ABCB8: variants seen among roughly 807,000 people sequenced by gnomAD.
The protein encoded by ABCB8 is ATP binding cassette subfamily B member 8, also known as mitochondrial potassium channel ATP-binding subunit.
Under a neutral mutation model 73.0 loss-of-function variants are expected in ABCB8, and 52 were observed. The ratio of observed to expected loss-of-function variants is 0.71; its 90% CI spans 0.57 to 0.90. The LOEUF (loss-of-function observed/expected upper bound fraction) is 0.90, where lower values mean the gene tolerates loss of function less well. Among genes scored for constraint, ABCB8 ranks in the 40% least tolerant of loss-of-function variants. The pLI is 0.00. For missense variants in ABCB8, 909 were observed against 974.6 expected, an observed-to-expected ratio of 0.93 and a Z score of 0.90; for synonymous variants, 428 against 423.5, an observed-to-expected ratio of 1.01 and a Z score of -0.13.
intron 9 of ABCB8, chr7:151,039,008 ACTC>A (rs945360593): frequency 1.3e-5 from 2 of 152,102 alleles, no homozygotes; most frequent in African/African-American, 4.8e-5. Flanking sequence ...CATCCTGAGT[ACTC>A]CTGATGGAGA....
Position 151,045,582 on chromosome 7 carries a change from AT to A in ABCB8, c.*235del. The A allele has an allele frequency of 2.1e-6, 1 of 470,110 alleles. No individual in the cohort carries two copies. The highest frequency in any genetic ancestry group is 3.6e-6 in the Non-Finnish European group (1 of 276,280). The allele number at this position is 470,110 out of a possible 1,614,324, so 29.1% of individuals were successfully genotyped here. On this transcript the variant is annotated 3_prime_UTR_variant, in exon 16 of 16. Coordinates refer to ENST00000358849, the MANE Select transcript of ABCB8 (RefSeq NM_007188.5). ...CCTCCCACCAGAGTCTGCCAGAGTC[AT>A]TGGGCTGCAATGGGCAGAGACAGAG...
chr7:151,028,494 G>C lies in ABCB8; in HGVS notation c.-22G>C. 4 of 1,606,840 alleles carry C rather than the reference G, an allele frequency of 2.5e-6. No homozygotes were observed. The highest frequency in any genetic ancestry group is 3.4e-6 in the Non-Finnish European group (4 of 1,176,948). On this transcript the variant is annotated 5_prime_UTR_variant, in exon 1 of 16. Coordinates refer to ENST00000358849, the MANE Select transcript of ABCB8 (RefSeq NM_007188.5). ...GAGGGTGAAACTGCTATTGCCGGCG[G>C]CTCCTGTTTTACCGCGTCAGCATGC... is the stretch of plus-strand genomic sequence containing the variant.
In ABCB8 at chr7:151,033,716, T is replaced by C; in HGVS notation, c.207T>C (p.Ser69=). The C allele has an allele frequency of 6.2e-7, 1 of 1,613,860 alleles. No individual in the cohort carries two copies. Among genetic ancestry groups the C allele is most frequent in the Non-Finnish European group, 8.5e-7 (1 of 1,179,918 alleles). Residue 69 remains serine (S), a synonymous_variant, in exon 2 of 16, where the codon TCT becomes TCC. Coordinates refer to ENST00000358849, the MANE Select transcript of ABCB8 (RefSeq NM_007188.5). The part of the protein sequence containing the change: ...RAPLAPRWSP[S]AWCWVGGALL... ...CCCTAGCTCCCAGATGGAGCCCCTC[T>C]GCCTGGTGCTGGGTTGGGGGAGCCC...
intron 14 of ABCB8, among the ~76,000 whole-genome samples, chr7:151,043,001 C>T (rs1796509132): frequency 6.6e-6 from 1 of 152,248 alleles, no homozygotes; most frequent in Non-Finnish European, 1.5e-5. Flanking sequence ...TGCGTCCTTA[C>T]TGACCTGTCA....
chr7:151,033,489 G>T, intron 1 of ABCB8, 116 bp from the exon 2 acceptor site: 1 of 1,470,814 alleles, frequency 6.8e-7, no homozygotes, highest in East Asian at 2.4e-5. Context: ...AGGGGCAAGG[G>T]CCTGACAGAA....
In ABCB8 at chr7:151,034,429, G is replaced by A. The variant is rs1411363039; in HGVS notation, c.564+1G>A. On this transcript the variant is annotated splice_donor_variant, in intron 3 of 15. Coordinates refer to ENST00000358849, the MANE Select transcript of ABCB8 (RefSeq NM_007188.5). LOFTEE classifies it high-confidence loss of function. Reference sequence around the variant, plus strand: ...CCTGCTTATCCTCTATGGTGTCCAGGTACAGCCGGGAGTGGGGCTGGGGAC... The same window carrying A: ...CCTGCTTATCCTCTATGGTGTCCAGATACAGCCGGGAGTGGGGCTGGGGAC... 2.5e-6 allele frequency: 4 copies of A among 1,613,922 alleles called. No individual in the cohort carries two copies. Among genetic ancestry groups the A allele is most frequent in the Non-Finnish European group, 8.5e-7 (1 of 1,179,976 alleles).
chr7:151,037,606 G>A (rs1377082834), intron 9 of ABCB8: 9 of 421,438 alleles, frequency 2.1e-5, no homozygotes, highest in East Asian at 1.5e-4. Flanking sequence ...GTGAAGACCC[G>A]TCTCCACGAA....
At chr7:151,034,181 T>C (rs967249127) in intron 2 of ABCB8, 92 bp from the exon 3 acceptor site, 2 of 1,412,992 alleles carry the variant, frequency 1.4e-6, no homozygotes, top group East Asian at 2.3e-5. Flanking sequence ...CAGTGCTCAG[T>C]AGTGGGAGAG....
intron 13 of ABCB8, 93 bp downstream of exon 13, chr7:151,041,325 C>T (rs1402391585): frequency 7.0e-7 from 1 of 1,427,240 alleles, no homozygotes; most frequent in African/African-American, 1.4e-5. Flanking sequence ...CTTTCTTTCC[C>T]ACCCTCATCC....
chr7:151,041,300 C>T (rs1796459315), intron 13 of ABCB8, 68 bp downstream of exon 13: 3 of 1,497,006 alleles, frequency 2.0e-6, no homozygotes, highest in African/African-American at 2.8e-5. Context: ...CCCCCTTAGT[C>T]CTCAGGTGCC....
chr7:151,032,565 G>T (rs1294411765), intron 1 of ABCB8, among the ~76,000 whole-genome samples: 1 of 151,980 alleles, frequency 6.6e-6, no homozygotes, highest in African/African-American at 2.4e-5. Flanking sequence ...GTGGTGGCTC[G>T]TGCCTGTAGT....
At chr7:151,035,795 C>T (rs535316207) in intron 6 of ABCB8, 53 bp downstream of exon 6, 5 of 1,610,072 alleles carry the variant, frequency 3.1e-6, no homozygotes, top group East Asian at 4.5e-5. Context: ...TTTCTCTTTC[C>T]ACTCCCCGGA....
rs755823803 is a variant in ABCB8 at position 151,035,807 on chromosome 7, C to T, written c.927+65C>T. 3.5e-5 allele frequency: 57 copies of T among 1,609,920 alleles called. 1 individual carries two copies. Among genetic ancestry groups the T allele is most frequent in the Non-Finnish European group, 4.5e-5 (53 of 1,179,860 alleles). On this transcript the variant is annotated intron_variant, in intron 6 of 15. Transcript: ENST00000358849. ...CCGTTTCTCTTTCCACTCCCCGGAA[C>T]TCCTCCCTGTCCCCATCCTGGACTC...
rs1413516166 is a variant in ABCB8, at chr7:151,028,984, C to A, written c.95+374C>A. 4 of 1,230,422 alleles carry A rather than the reference C, an allele frequency of 3.3e-6. No homozygotes were observed. In the East Asian group the frequency reaches 2.2e-4, roughly 68 times the overall value. The allele number at this position is 1,230,422 out of a possible 1,614,324, so 76.2% of individuals were successfully genotyped here. A position where few individuals can be genotyped will look rare whatever the true frequency, so the allele number is the denominator to read the frequency against. ...TTAATGTAGTGGTGCTTCCAGGATT[C>A]AAAGTGAGTCGAAGAAGAACTAGAG... On this transcript the variant is annotated intron_variant, in intron 1 of 15. Coordinates refer to ENST00000358849, the MANE Select transcript of ABCB8 (RefSeq NM_007188.5).
chr7:151,036,076 C>T lies in ABCB8; in HGVS notation c.1017C>T (p.Arg339=). 6.2e-7 allele frequency: 1 copy of T among 1,613,132 alleles called. No homozygotes were observed. Among genetic ancestry groups the T allele is most frequent in the East Asian group, 2.2e-5 (1 of 44,880 alleles). ...AFAMEQREEE[R]YGAELEACRC... ...ATGCACTGGTCTCTCTCACCAGGCG[C>T]TATGGGGCAGAGCTGGAAGCCTGCC... The change falls in exon 8 of 16, where the codon CGC becomes CGT. Residue 339 remains arginine, a synonymous_variant. Coordinates refer to ENST00000358849, the MANE Select transcript of ABCB8 (RefSeq NM_007188.5).
Position 151,045,206 on chromosome 7 carries a change from C to A in ABCB8, c.2017-3C>A. On this transcript the variant is annotated splice_polypyrimidine_tract_variant and splice_region_variant and intron_variant, in intron 15 of 15. Coordinates refer to ENST00000358849, the MANE Select transcript of ABCB8 (RefSeq NM_007188.5). The stretch of plus-strand genomic sequence containing the variant: ...CCATCCGCCCTTCCCTCCCATCTTC[C>A]AGGCTGGGACACATGAAGAGCTCCT... 1 of 1,551,740 alleles carries A rather than the reference C, an allele frequency of 6.4e-7. No homozygotes were observed. Among genetic ancestry groups the A allele is most frequent in the South Asian group, 1.2e-5 (1 of 83,868 alleles).
chr7:151,044,211 G>C lies in ABCB8; in HGVS notation c.2006G>C (p.Arg669Pro), dbSNP rs546942647. Residue 669 changes from arginine to proline, a missense_variant, in exon 15 of 16, where the codon CGT becomes CCT. Transcript: ENST00000358849. ...TGCATTGTCGTCATGGCCGATGGCC[G>C]TGTCTGGGAGGTTAGTTGTCCTGGG... ...AHCIVVMADGRVWEAGTHEEL... is the reference protein window; with the variant it reads ...AHCIVVMADGPVWEAGTHEEL... 4 of 1,598,872 alleles carry C rather than the reference G, an allele frequency of 2.5e-6. No homozygotes were observed. Among genetic ancestry groups the C allele is most frequent in the Non-Finnish European group, 3.4e-6 (4 of 1,167,864 alleles).
At position 151,047,313 on chromosome 7, in the gene ABCB8, C is replaced by G. The variant is rs567910516; in HGVS notation, c.*1964C>G. On this transcript the variant is annotated 3_prime_UTR_variant, in exon 16 of 16. Transcript: ENST00000358849. Reference sequence around the variant, plus strand: ...TCCTAACCTCGCCTCGGCCTTCGCTCCACAGTGGAGAGTGGGAGCCTAGCT... The same window carrying G: ...TCCTAACCTCGCCTCGGCCTTCGCTGCACAGTGGAGAGTGGGAGCCTAGCT... 6 of 152,282 alleles carry G rather than the reference C, an allele frequency of 3.9e-5. No homozygotes were observed. The highest frequency in any genetic ancestry group is 1.4e-4 in the African/African-American group (6 of 41,460). 9.4% of individuals were successfully genotyped at this position (152,282 alleles called of 1,614,324 possible).
At chr7:151,033,939 CA>C in intron 2 of ABCB8, 22 bp downstream of exon 2, 1 of 1,563,208 alleles carries the variant, frequency 6.4e-7, no homozygotes, top group East Asian at 2.2e-5. Context: ...CCCACTTCTC[CA>C]TCCTGGGGAC....
Sources: gnomAD v4.1 joint callset for allele counts (sites outside exome capture counted in the v4.1 genomes callset) on GRCh38, gnomAD v4.1.1 for gene constraint, MANE v1.5 for transcripts, NCBI Gene and HGNC (gene_info 2026-07-23, HGNC 2026-07-21) for gene names.